Variants in RBFOX1 observed in about 807,000 individuals in gnomAD.
RBFOX1 encodes the protein RNA binding fox-1 homolog 1.
In RBFOX1, 8 loss-of-function variants were observed where a neutral mutation model predicts 57.7. The observed-to-expected ratio is 0.14, with a 90% CI of 0.08 to 0.25. The LOEUF (loss-of-function observed/expected upper bound fraction) is 0.25, where lower values mean the gene tolerates loss of function less well. Ranked by LOEUF, RBFOX1 falls within the 10% of genes least tolerant of loss-of-function variation. The pLI is 1.00. For missense variants in RBFOX1, 611 were observed against 548.5 expected (o/e 1.11, Z -1.14); for synonymous variants, 326 against 222.4 (o/e 1.47, Z -4.15).
At chr16:5,848,061 A>G (rs762631803) in intron 3 of RBFOX1, among the ~76,000 whole-genome samples, 2 of 152,124 alleles carry the variant, frequency 1.3e-5, no homozygotes, top group Non-Finnish European at 2.9e-5. Context: ...ATGCACCTGA[A>G]TGTGTGTCCG....
At chr16:5,597,276 T>C (rs2047213230) in intron 2 of RBFOX1, among the ~76,000 whole-genome samples, 1 of 133,712 alleles carries the variant, frequency 7.5e-6, no homozygotes, top group African/African-American at 2.8e-5. Context: ...TGTCCTTCCC[T>C]CTTTCTCTCC....
chr16:6,896,345 ACTG>A (rs2066908976), intron 3 of RBFOX1, among the ~76,000 whole-genome samples: 1 of 152,216 alleles, frequency 6.6e-6, no homozygotes. Flanking sequence ...TAAAATTACT[ACTG>A]AGTATAGTAA....
intron 4 of RBFOX1, among the ~76,000 whole-genome samples, chr16:5,911,963 A>T (rs750731724): frequency 2.6e-5 from 4 of 152,184 alleles, no homozygotes; most frequent in Non-Finnish European, 5.9e-5. Context: ...AGACCTTAGT[A>T]GGCACCTTCA....
chr16:6,063,789 C>G (rs1413248808), intron 1 of RBFOX1, among the ~76,000 whole-genome samples: 2 of 152,128 alleles, frequency 1.3e-5, no homozygotes, highest in Admixed American at 6.6e-5. Flanking sequence ...CCAACTGTGT[C>G]TTTGATTCAT....
intron 4 of RBFOX1, among the ~76,000 whole-genome samples, chr16:7,378,555 C>T (rs1159795542): frequency 1.3e-5 from 2 of 152,208 alleles, no homozygotes; most frequent in African/African-American, 2.4e-5. Flanking sequence ...GTGGCAACTC[C>T]AGCCTAGGGA....
chr16:6,531,278 C>T (rs1480554493), intron 2 of RBFOX1, among the ~76,000 whole-genome samples: 4 of 152,198 alleles, frequency 2.6e-5, no homozygotes, highest in South Asian at 2.1e-4. Flanking sequence ...TGGGGAAAGA[C>T]ATTTCAACCT....
chr16:6,638,889 G>A (rs1409122369), intron 2 of RBFOX1, among the ~76,000 whole-genome samples: 1 of 152,146 alleles, frequency 6.6e-6, no homozygotes, highest in South Asian at 2.1e-4. Flanking sequence ...CTCTAATCTT[G>A]TGGAAAGAAC....
At chr16:7,470,468 G>A (rs2061361674) in intron 4 of RBFOX1, among the ~76,000 whole-genome samples, 1 of 152,130 alleles carries the variant, frequency 6.6e-6, no homozygotes, top group Admixed American at 6.5e-5. Context: ...TGAGTGGATG[G>A]ATGGATGGAT....
chr16:7,519,640 G>A, intron 5 of RBFOX1: 2 of 959,232 alleles, frequency 2.1e-6, no homozygotes, highest in Non-Finnish European at 2.5e-6. Context: ...ACATGCATTT[G>A]GGAACCTTTT....
At chr16:7,413,920 G>T (rs950384465) in intron 4 of RBFOX1, among the ~76,000 whole-genome samples, 3 of 152,100 alleles carry the variant, frequency 2.0e-5, no homozygotes, top group Non-Finnish European at 2.9e-5. Flanking sequence ...TGCAGAGCCT[G>T]GCACATTGTA....
chr16:7,428,632 T>C (rs984785336), intron 4 of RBFOX1, among the ~76,000 whole-genome samples: 1 of 151,288 alleles, frequency 6.6e-6, no homozygotes, highest in African/African-American at 2.4e-5. Flanking sequence ...TGGCCTCCCA[T>C]AGTGCTGGGA....
chr16:5,955,563 GT>G (rs756121271), intron 4 of RBFOX1, among the ~76,000 whole-genome samples: 12 of 152,020 alleles, frequency 7.9e-5, no homozygotes, highest in Non-Finnish European at 1.5e-5. Context: ...CTACAATATG[GT>G]AAATATTGTT....
intron 1 of RBFOX1, among the ~76,000 whole-genome samples, chr16:5,405,141 C>T (rs1445477241): frequency 2.0e-5 from 3 of 152,198 alleles, no homozygotes; most frequent in Non-Finnish European, 4.4e-5. Flanking sequence ...AACCTTGGCT[C>T]ATAGGGCTCC....
chr16:7,629,196 C>T (rs752561397), intron 10 of RBFOX1, among the ~76,000 whole-genome samples: 18 of 152,138 alleles, frequency 1.2e-4, no homozygotes, highest in African/African-American at 3.4e-4. Context: ...GTTGTCAGAC[C>T]GGTAACAGGG....
intron 3 of RBFOX1, among the ~76,000 whole-genome samples, chr16:5,656,377 A>AACTCT: frequency 6.6e-6 from 1 of 152,196 alleles, no homozygotes; most frequent in Non-Finnish European, 1.5e-5. Context: ...TATGTCTTGC[A>AACTCT]ACTCTCTCAC....
chr16:6,719,021 G>A (rs1229362860), intron 3 of RBFOX1, among the ~76,000 whole-genome samples: 1 of 151,726 alleles, frequency 6.6e-6, no homozygotes, highest in Non-Finnish European at 1.5e-5. Flanking sequence ...GTATTTCAAC[G>A]TGCCTGGCTA....
At chr16:5,444,399 T>C (rs2068178607) in intron 1 of RBFOX1, among the ~76,000 whole-genome samples, 1 of 152,224 alleles carries the variant, frequency 6.6e-6, no homozygotes, top group African/African-American at 2.4e-5. Context: ...CATGTGCTAA[T>C]AGCAAGAATG....
At chr16:6,829,974 T>G (rs2092585132) in intron 3 of RBFOX1, among the ~76,000 whole-genome samples, 1 of 151,986 alleles carries the variant, frequency 6.6e-6, no homozygotes, top group South Asian at 2.1e-4. Context: ...TGGAGTGCAG[T>G]GGTGCAGTCT....
intron 1 of RBFOX1, among the ~76,000 whole-genome samples, chr16:6,139,823 A>G (rs2096700691): frequency 6.6e-6 from 1 of 151,942 alleles, no homozygotes; most frequent in Non-Finnish European, 1.5e-5. Flanking sequence ...TCCAAATGCC[A>G]TGTCAGTGAT....
Sources: gnomAD v4.1 joint callset for allele counts (sites outside exome capture counted in the v4.1 genomes callset) on GRCh38, gnomAD v4.1.1 for gene constraint, MANE v1.5 for transcripts, NCBI Gene and HGNC (gene_info 2026-07-23, HGNC 2026-07-21) for gene names.